Variants in SCCPDH observed in about 807,000 individuals in gnomAD.
SCCPDH encodes saccharopine dehydrogenase-like oxidoreductase.
Under a neutral mutation model 51.5 loss-of-function variants are expected in SCCPDH, and 34 were observed. The observed-to-expected ratio is 0.66, with a 90% CI of 0.50 to 0.88. The LOEUF (loss-of-function observed/expected upper bound fraction) is 0.88, where lower values mean the gene tolerates loss of function less well. SCCPDH is among the 40% of genes least tolerant of loss of function. The pLI, the probability that SCCPDH is intolerant of heterozygous loss-of-function variation, is 0.00. For synonymous variants in SCCPDH, 187 were observed against 191.3 expected (o/e 0.98, Z 0.19); for missense variants, 464 against 527.1 (o/e 0.88, Z 1.17).
chr1:246,750,014 T>C (rs1195791441), intron 5 of SCCPDH, among the ~76,000 whole-genome samples: 5 of 152,164 alleles, frequency 3.3e-5, no homozygotes, highest in Non-Finnish European at 5.9e-5. Flanking sequence ...ATTTTCGCTT[T>C]AGCTTGGTTG....
chr1:246,740,733 C>T (rs1189135938), intron 4 of SCCPDH, among the ~76,000 whole-genome samples: 5 of 152,098 alleles, frequency 3.3e-5, no homozygotes, highest in Non-Finnish European at 7.4e-5. Context: ...AATAATGTTA[C>T]GATAAAACAT....
At chr1:246,762,568 G>A (rs995262926) in intron 9 of SCCPDH, among the ~76,000 whole-genome samples, 4 of 152,134 alleles carry the variant, frequency 2.6e-5, no homozygotes, top group South Asian at 2.1e-4. Context: ...ATGGCCGGGC[G>A]CAGTGGCTCA....
chr1:246,766,485 A>G (rs1403099997), intron 11 of SCCPDH, among the ~76,000 whole-genome samples: 5 of 150,582 alleles, frequency 3.3e-5, no homozygotes, highest in African/African-American at 1.2e-4. Context: ...GTGCCTAACT[A>G]TACCCAGCTG....
chr1:246,751,804 C>T (rs553251965), intron 5 of SCCPDH, among the ~76,000 whole-genome samples: 25 of 139,790 alleles, frequency 1.8e-4, no homozygotes, highest in Non-Finnish European at 3.2e-4. Context: ...GATGGAGTCT[C>T]GCTCTGTCGC....
chr1:246,743,787 A>C (rs1292294360), intron 4 of SCCPDH, among the ~76,000 whole-genome samples: 2 of 152,184 alleles, frequency 1.3e-5, no homozygotes, highest in African/African-American at 2.4e-5. Flanking sequence ...ATTTTGTCAC[A>C]GTGAAATGTG....
intron 2 of SCCPDH, among the ~76,000 whole-genome samples, chr1:246,735,183 T>A (rs1668547549): frequency 6.6e-6 from 1 of 152,224 alleles, no homozygotes; most frequent in Non-Finnish European, 1.5e-5. Flanking sequence ...CTAGAAAGGA[T>A]AAAGTTGAAA....
chr1:246,726,162 G>A (rs78176336), intron 1 of SCCPDH, among the ~76,000 whole-genome samples: 8,050 of 152,208 alleles, frequency 0.053, 392 homozygotes, highest in East Asian at 0.17. Flanking sequence ...CAGCCCTGAT[G>A]GTTTTGATGT....
At chr1:246,736,657 C>T (rs549489454) in intron 3 of SCCPDH, among the ~76,000 whole-genome samples, 23 of 152,052 alleles carry the variant, frequency 1.5e-4, no homozygotes, top group African/African-American at 5.5e-4. Flanking sequence ...GCCGAGATCA[C>T]TCCACTGCAC....
chr1:246,753,798 A>C (rs1311582688), intron 5 of SCCPDH, among the ~76,000 whole-genome samples: 2 of 151,630 alleles, frequency 1.3e-5, no homozygotes, highest in South Asian at 2.1e-4. Context: ...AAGTCCTTTT[A>C]GGGAAGAGGA....
intron 4 of SCCPDH, among the ~76,000 whole-genome samples, chr1:246,740,516 ATATAT>A (rs1365891326): frequency 1.4e-4 from 22 of 152,226 alleles, no homozygotes; most frequent in Admixed American, 1.4e-3. Context: ...TTTTACAGTG[ATATAT>A]TATTGTCTCA....
chr1:246,724,705 C>T, intron 1 of SCCPDH, 93 bp downstream of exon 1: 1 of 1,137,080 alleles, frequency 8.8e-7, no homozygotes, highest in Non-Finnish European at 1.2e-6. Flanking sequence ...GGGATGCGCC[C>T]TACGTGTCCC....
At chr1:246,738,802 G>A (rs1410073966) in intron 3 of SCCPDH, among the ~76,000 whole-genome samples, 3 of 151,924 alleles carry the variant, frequency 2.0e-5, no homozygotes, top group Non-Finnish European at 4.4e-5. Context: ...GCAGTGAGCC[G>A]AGTCTGCACC....
intron 5 of SCCPDH, among the ~76,000 whole-genome samples, chr1:246,748,076 C>CT (rs532289683): frequency 1.2e-3 from 178 of 152,136 alleles, no homozygotes; most frequent in African/African-American, 4.0e-3. Flanking sequence ...CCTCTTCAAA[C>CT]TTTTTTTAAC....
At chr1:246,750,242 C>T (rs564486499) in intron 5 of SCCPDH, among the ~76,000 whole-genome samples, 2 of 151,996 alleles carry the variant, frequency 1.3e-5, no homozygotes, top group Admixed American at 6.6e-5. Flanking sequence ...GAAACTCTAG[C>T]GGGGGGGTAC....
intron 3 of SCCPDH, 67 bp from the exon 4 acceptor site, chr1:246,740,105 A>G: frequency 7.9e-7 from 1 of 1,265,212 alleles, no homozygotes; most frequent in Non-Finnish European, 1.1e-6. Context: ...TTTTAAAGAT[A>G]AATTATTTAA....
At chr1:246,739,060 T>C (rs1246748999) in intron 3 of SCCPDH, among the ~76,000 whole-genome samples, 1 of 152,082 alleles carries the variant, frequency 6.6e-6, no homozygotes, top group African/African-American at 2.4e-5. Flanking sequence ...TGTGTGATTG[T>C]GTTCGTGTGT....
At chr1:246,761,112 C>T (rs567056627) in intron 9 of SCCPDH, among the ~76,000 whole-genome samples, 1 of 151,852 alleles carries the variant, frequency 6.6e-6, no homozygotes, top group South Asian at 2.1e-4. Flanking sequence ...GTGCACTTAA[C>T]GTAGCATCAT....
chr1:246,764,770 G>A (rs1221187189), intron 10 of SCCPDH, among the ~76,000 whole-genome samples: 1 of 152,264 alleles, frequency 6.6e-6, no homozygotes, highest in African/African-American at 2.4e-5. Flanking sequence ...CACTTTTCAA[G>A]GGAAGGGAAT....
chr1:246,747,250 T>G (rs1668775074), intron 5 of SCCPDH, among the ~76,000 whole-genome samples: 1 of 152,194 alleles, frequency 6.6e-6, no homozygotes, highest in Non-Finnish European at 1.5e-5. Flanking sequence ...GTAATAAAGG[T>G]TCATGATTTC....
Sources: allele counts gnomAD v4.1 joint callset (sites outside exome capture counted in the v4.1 genomes callset), GRCh38; gene constraint gnomAD v4.1.1; transcripts MANE v1.5; gene names NCBI Gene and HGNC (gene_info 2026-07-23, HGNC 2026-07-21).